NRG3: variants seen among roughly 807,000 people sequenced by gnomAD.
NRG3 encodes pro-neuregulin-3, membrane-bound isoform.
A neutral mutation model predicts 66.9 loss-of-function variants in NRG3; 31 were observed. That is an observed-to-expected ratio of 0.46 (90% CI 0.35 to 0.63). NRG3 has a LOEUF of 0.63. Among genes scored for constraint, NRG3 ranks in the 20% least tolerant of loss-of-function variants. The pLI is 0.00. For synonymous variants in NRG3, 393 were observed against 359.4 expected, an observed-to-expected ratio of 1.09 and a Z score of -1.06; for missense variants, 910 against 878.9, an observed-to-expected ratio of 1.04 and a Z score of -0.45.
chr10:82,772,403 G>A (rs2059746049), intron 3 of NRG3, among the ~76,000 whole-genome samples: 2 of 151,856 alleles, frequency 1.3e-5, no homozygotes, highest in Admixed American at 1.3e-4. Flanking sequence ...TTGTCATGTT[G>A]CACATTAGAT....
chr10:82,048,555 A>G (rs2063427803), intron 1 of NRG3, among the ~76,000 whole-genome samples: 1 of 150,348 alleles, frequency 6.7e-6, no homozygotes, highest in Non-Finnish European at 1.5e-5. Flanking sequence ...AACCAACGAG[A>G]ACGAAGACAC....
chr10:82,491,037 G>C (rs1464844825), intron 2 of NRG3, among the ~76,000 whole-genome samples: 1 of 151,468 alleles, frequency 6.6e-6, no homozygotes, highest in Non-Finnish European at 1.5e-5. Context: ...CATTTACAAT[G>C]GTCTTCTTCT....
chr10:82,211,092 G>C (rs193001708), intron 1 of NRG3, among the ~76,000 whole-genome samples: 208 of 152,282 alleles, frequency 1.4e-3, no homozygotes, highest in African/African-American at 4.6e-3. Flanking sequence ...CTAAAATCCA[G>C]ATGGTCTTCC....
At position 82,491,781 on chromosome 10, in the gene NRG3, T is replaced by A. The variant is rs186736922; in HGVS notation, c.953+132913T>A. On this transcript the variant is annotated intron_variant, in intron 2 of 8. Coordinates refer to ENST00000372141, the MANE Select transcript of NRG3 (RefSeq NM_001010848.4). ...GGCAAGACCCTGAATCAGCTTTTAC[T>A]TATCTGCCCTCTGGCATGTAAATAA... 5.9e-3 allele frequency among the ~76,000 whole-genome samples: 894 copies of A among 152,284 alleles called. 6 individuals are homozygous for A. The highest frequency in any genetic ancestry group is 7.0e-3 in the Non-Finnish European group (479 of 68,020).
chr10:82,301,881 C>T (rs2080425162), intron 1 of NRG3, among the ~76,000 whole-genome samples: 3 of 151,726 alleles, frequency 2.0e-5, no homozygotes, highest in African/African-American at 7.3e-5. Context: ...ATCATCACAT[C>T]ACTTTTTTGT....
At chr10:82,010,048 G>A (rs1387787543) in intron 1 of NRG3, among the ~76,000 whole-genome samples, 5 of 152,190 alleles carry the variant, frequency 3.3e-5, no homozygotes, top group African/African-American at 4.8e-5. Context: ...GAGATGTAGG[G>A]CAGACTGTGT....
chr10:82,738,828 G>A (rs938305072), intron 3 of NRG3, among the ~76,000 whole-genome samples, 178 bp downstream of exon 3: 2 of 152,182 alleles, frequency 1.3e-5, no homozygotes, highest in African/African-American at 4.8e-5. Context: ...CTCAGTCTAG[G>A]TCTTCTCTGA....
intron 2 of NRG3, among the ~76,000 whole-genome samples, chr10:82,387,260 T>C (rs2135923800): frequency 1.5e-5 from 2 of 131,912 alleles, no homozygotes; most frequent in Middle Eastern, 7.4e-3. Flanking sequence ...TCTTATGTTT[T>C]ATCATAAAAC....
chr10:82,704,046 A>G (rs2056101751), intron 2 of NRG3, among the ~76,000 whole-genome samples: 2 of 152,122 alleles, frequency 1.3e-5, no homozygotes, highest in South Asian at 4.1e-4. Flanking sequence ...TTACCTTTGC[A>G]TAATTGACTT....
At chr10:82,465,811 CT>C (rs900023940) in intron 2 of NRG3, among the ~76,000 whole-genome samples, 2 of 152,106 alleles carry the variant, frequency 1.3e-5, no homozygotes, top group African/African-American at 4.8e-5. Context: ...TCTGCTGGGC[CT>C]TTTTCAATAC....
intron 1 of NRG3, among the ~76,000 whole-genome samples, chr10:82,027,398 T>C (rs2062362449): frequency 6.6e-6 from 1 of 152,076 alleles, no homozygotes; most frequent in African/African-American, 2.4e-5. Context: ...TTTAGACCCT[T>C]ATGTTATTCT....
At chr10:81,963,835 T>A (rs1192114520) in intron 1 of NRG3, among the ~76,000 whole-genome samples, 1 of 152,228 alleles carries the variant, frequency 6.6e-6, no homozygotes, top group African/African-American at 2.4e-5. Flanking sequence ...GTTTTCTTTA[T>A]TTTTGTTCCC....
chr10:82,550,346 G>A lies in NRG3; in HGVS notation c.954-188231G>A, dbSNP rs112350187. Reference sequence around the variant, plus strand: ...GAAAACATGTTCAGCAAGGGAAGTCGGGATAGTAATGTCCTGTATTACCCT... The same window carrying A: ...GAAAACATGTTCAGCAAGGGAAGTCAGGATAGTAATGTCCTGTATTACCCT... On this transcript the variant is annotated intron_variant, in intron 2 of 8. Transcript: ENST00000372141. Among the ~76,000 whole-genome samples, 829 of 152,224 alleles carry A rather than the reference G, an allele frequency of 5.4e-3. 6 individuals are homozygous for A. The highest frequency in any genetic ancestry group is 0.034 in the Middle Eastern group (10 of 294).
chr10:82,241,161 C>T (rs1031976507), intron 1 of NRG3, among the ~76,000 whole-genome samples: 2 of 151,960 alleles, frequency 1.3e-5, no homozygotes, highest in African/African-American at 4.8e-5. Context: ...TGCAAAAAAA[C>T]AACATTGCAT....
chr10:82,918,060 G>A (rs568150263), intron 4 of NRG3, among the ~76,000 whole-genome samples: 1 of 148,438 alleles, frequency 6.7e-6, no homozygotes, highest in South Asian at 2.1e-4. Context: ...TTTTTCCTGG[G>A]ATTTGTCTTA....
intron 2 of NRG3, among the ~76,000 whole-genome samples, chr10:82,362,746 A>G (rs1019684913): frequency 2.6e-5 from 4 of 152,014 alleles, no homozygotes; most frequent in African/African-American, 9.6e-5. Context: ...AGATTGTGGT[A>G]TATTGTGGGA....
At chr10:82,705,675 T>G (rs1377269877) in intron 2 of NRG3, among the ~76,000 whole-genome samples, 1 of 152,184 alleles carries the variant, frequency 6.6e-6, no homozygotes, top group Non-Finnish European at 1.5e-5. Context: ...CAAAGCAAAT[T>G]TGGAGATTAC....
chr10:82,529,592 T>G (rs988017134), intron 2 of NRG3, among the ~76,000 whole-genome samples: 4 of 152,198 alleles, frequency 2.6e-5, no homozygotes, highest in Non-Finnish European at 4.4e-5. Flanking sequence ...CAGAAGTGCA[T>G]GCTTAGAGAA....
intron 2 of NRG3, among the ~76,000 whole-genome samples, chr10:82,449,334 A>C (rs1007964338): frequency 6.6e-6 from 1 of 152,210 alleles, no homozygotes; most frequent in Admixed American, 6.5e-5. Flanking sequence ...AGATATCTGG[A>C]AGAGCCTGTG....
Sources: allele counts gnomAD v4.1 joint callset (sites outside exome capture counted in the v4.1 genomes callset), GRCh38; gene constraint gnomAD v4.1.1; transcripts MANE v1.5; gene names NCBI Gene and HGNC (gene_info 2026-07-23, HGNC 2026-07-21).